The following ZMAT4 variants were observed in gnomAD, a reference collection of about 807,000 sequenced individuals.
ZMAT4 encodes the protein zinc finger matrin-type protein 4.
ZMAT4 carries 17 observed loss-of-function variants against 28.7 expected under a neutral mutation model. The ratio of observed to expected loss-of-function variants is 0.59; its 90% CI spans 0.41 to 0.89. The LOEUF (loss-of-function observed/expected upper bound fraction) is 0.89, where lower values mean the gene tolerates loss of function less well. Among genes scored for constraint, ZMAT4 ranks in the 40% least tolerant of loss-of-function variants. The pLI is 0.00. For missense variants in ZMAT4, 240 were observed against 283.8 expected (o/e 0.85, Z 1.11); for synonymous variants, 117 against 109.2 (o/e 1.07, Z -0.44).
rs1370610839 is a variant in ZMAT4 at position 40,836,983 on chromosome 8, T to C, written c.-4-11303A>G. On this transcript the variant is annotated intron_variant, in intron 1 of 6. Transcript: ENST00000297737. ...ATGGATTGATTGACAGAAATATAGA[T>C]ACATACATAGACAAATAATGGCTGG... Among the ~76,000 whole-genome samples, 3 of 152,174 alleles carry C rather than the reference T, an allele frequency of 2.0e-5. No homozygotes were observed. The East Asian group carries it at 5.8e-4, about 29-fold the overall frequency.
chr8:40,834,174 T>C (rs1041523931), intron 1 of ZMAT4, among the ~76,000 whole-genome samples: 1 of 152,208 alleles, frequency 6.6e-6, no homozygotes, highest in African/African-American at 2.4e-5. Context: ...GAACCAGAGC[T>C]GTCAGTCTCA....
intron 2 of ZMAT4, among the ~76,000 whole-genome samples, chr8:40,800,245 G>T (rs953629557): frequency 1.1e-4 from 16 of 152,164 alleles, no homozygotes; most frequent in African/African-American, 3.9e-4. Flanking sequence ...AACACATGAG[G>T]TAAAAACTGA....
At chr8:40,563,123 G>A (rs547075124) in intron 6 of ZMAT4, among the ~76,000 whole-genome samples, 4 of 152,120 alleles carry the variant, frequency 2.6e-5, no homozygotes, top group Non-Finnish European at 4.4e-5. Context: ...AATGCCCACC[G>A]GCATCTTCAT....
At chr8:40,687,683 T>G (rs1809475639) in intron 4 of ZMAT4, among the ~76,000 whole-genome samples, 1 of 152,194 alleles carries the variant, frequency 6.6e-6, no homozygotes, top group Non-Finnish European at 1.5e-5. Flanking sequence ...TCAAAAAGGA[T>G]GGACTAAATG....
At chr8:40,876,924 AG>A (rs1818059969) in intron 1 of ZMAT4, among the ~76,000 whole-genome samples, 1 of 152,222 alleles carries the variant, frequency 6.6e-6, no homozygotes, top group Non-Finnish European at 1.5e-5. Context: ...ATTACCTAAA[AG>A]ACTCTTGTTA....
chr8:40,787,786 C>A (rs757442887), intron 2 of ZMAT4, among the ~76,000 whole-genome samples: 9 of 152,112 alleles, frequency 5.9e-5, no homozygotes, highest in Admixed American at 1.3e-4. Flanking sequence ...ACAGCCAGGG[C>A]GGGATGAACC....
chr8:40,888,778 G>A (rs566818500), intron 1 of ZMAT4, among the ~76,000 whole-genome samples: 36 of 152,276 alleles, frequency 2.4e-4, no homozygotes, highest in African/African-American at 4.3e-4. Context: ...GGGCCACCTC[G>A]GGGGGGCCCG....
At chr8:40,562,539 A>G (rs1803781392) in intron 6 of ZMAT4, among the ~76,000 whole-genome samples, 1 of 152,118 alleles carries the variant, frequency 6.6e-6, no homozygotes, top group African/African-American at 2.4e-5. Context: ...GCAAACAGCT[A>G]CACATCACCC....
rs1812658819 is a variant in ZMAT4, at chr8:40,755,924, T to C, written c.192+11717A>G. 1.3e-5 allele frequency among the ~76,000 whole-genome samples: 2 copies of C among 152,160 alleles called. 1 individual carries two copies. Among genetic ancestry groups the C allele is most frequent in the South Asian group, 4.1e-4 (2 of 4,832 alleles). On this transcript the variant is annotated intron_variant, in intron 3 of 6. Transcript: ENST00000297737. ...TTCTGACTTGAGCCAGTGTGGCACA[T>C]AAATACTAAATCGCATCTATTGATT...
Position 40,532,696 on chromosome 8 carries a change from GAA to G in ZMAT4, c.675-460_675-459del, listed in dbSNP as rs5891101. Among the ~76,000 whole-genome samples, 1,071 of 151,610 alleles carry G rather than the reference GAA, an allele frequency of 7.1e-3. 11 individuals carry two copies. Among genetic ancestry groups the G allele is most frequent in the Admixed American group, 0.026 (395 of 15,220 alleles). On this transcript the variant is annotated intron_variant, in intron 6 of 6. Transcript: ENST00000297737. ...CAGAATTTTCTCTGTTAGAAGAATA[GAA>G]AAAAAAAATTGTTTCTGGGCCAGGT... is the stretch of plus-strand genomic sequence containing the variant.
At chr8:40,556,479 A>G (rs921130456) in intron 6 of ZMAT4, among the ~76,000 whole-genome samples, 5 of 152,046 alleles carry the variant, frequency 3.3e-5, no homozygotes, top group African/African-American at 1.2e-4. Context: ...CCTCTCTCCA[A>G]CTTAACAGTG....
rs1815545424 is a variant in ZMAT4 at position 40,816,485 on chromosome 8, A to C, written c.102+9090T>G. 8.5e-5 allele frequency among the ~76,000 whole-genome samples: 13 copies of C among 152,346 alleles called. No individual in the cohort carries two copies. In the South Asian group the frequency reaches 2.7e-3, roughly 32 times the overall value. ...ATATTGGGGTTATCCTTAAACAAACAAACAAAAAAACCCTAAAAATATGAC... is the reference window on the plus strand; with the variant it reads ...ATATTGGGGTTATCCTTAAACAAACCAACAAAAAAACCCTAAAAATATGAC... On this transcript the variant is annotated intron_variant, in intron 2 of 6. Transcript: ENST00000297737.
chr8:40,614,575 T>C (rs1042085506), intron 5 of ZMAT4, among the ~76,000 whole-genome samples: 2 of 152,192 alleles, frequency 1.3e-5, no homozygotes, highest in Admixed American at 1.3e-4. Flanking sequence ...TCTTTGTAAG[T>C]CTCCAAGCAC....
At chr8:40,786,727 T>A (rs756125682) in intron 2 of ZMAT4, 1 of 1,289,382 alleles carries the variant, frequency 7.8e-7, no homozygotes. Context: ...CAGTGTGACA[T>A]CTTCTTTTGG....
chr8:40,838,439 C>T, intron 1 of ZMAT4, among the ~76,000 whole-genome samples: 1 of 152,136 alleles, frequency 6.6e-6, no homozygotes, highest in Non-Finnish European at 1.5e-5. Context: ...ACCTCCTGGG[C>T]TCAAGCAAAC....
Position 40,695,768 on chromosome 8 carries a change from A to ATTTT in ZMAT4, c.349+1473_349+1476dup, listed in dbSNP as rs756360990. On this transcript the variant is annotated intron_variant, in intron 4 of 6. Coordinates refer to ENST00000297737, the MANE Select transcript of ZMAT4 (RefSeq NM_024645.3). ...AAAGAACTGGTTTTGCCATGTGGCA[A>ATTTT]TTTTTTTTTTTTTTTTTTTTTTTTT... Among the ~76,000 whole-genome samples, 42 of 58,508 alleles carry ATTTT rather than the reference A, an allele frequency of 7.2e-4. 2 individuals are homozygous for ATTTT. The highest frequency in any genetic ancestry group is 0.017 in the Middle Eastern group (1 of 58). 38.4% of individuals were successfully genotyped at this position (58,508 alleles called of 152,430 possible). A position where few individuals can be genotyped will look rare whatever the true frequency, so the allele number is the denominator to read the frequency against.
intron 3 of ZMAT4, among the ~76,000 whole-genome samples, chr8:40,753,412 A>G (rs1380569910): frequency 6.6e-6 from 1 of 152,180 alleles, no homozygotes; most frequent in Non-Finnish European, 1.5e-5. Context: ...GACACAGCTC[A>G]AGCATCACGT....
intron 6 of ZMAT4, among the ~76,000 whole-genome samples, chr8:40,539,728 A>T (rs1342349854): frequency 6.6e-6 from 1 of 152,218 alleles, no homozygotes; most frequent in Non-Finnish European, 1.5e-5. Flanking sequence ...TTGAAAGAAA[A>T]ATTTCTGATG....
chr8:40,747,732 T>C (rs1812297635), intron 3 of ZMAT4, among the ~76,000 whole-genome samples: 1 of 152,078 alleles, frequency 6.6e-6, no homozygotes, highest in Non-Finnish European at 1.5e-5. Context: ...TCATCCCCCA[T>C]TACAGTAAGG....
Sources: allele counts gnomAD v4.1 joint callset (sites outside exome capture counted in the v4.1 genomes callset), GRCh38; gene constraint gnomAD v4.1.1; transcripts MANE v1.5; gene names NCBI Gene and HGNC (gene_info 2026-07-23, HGNC 2026-07-21).